Variants in ANKRD55 observed in about 807,000 individuals in gnomAD.
The protein encoded by ANKRD55 is ankyrin repeat domain-containing protein 55.
In ANKRD55, 41 loss-of-function variants were observed where a neutral mutation model predicts 60.6. That is an observed-to-expected ratio of 0.68 (90% CI 0.53 to 0.88). The LOEUF is 0.88. Ranked by LOEUF, ANKRD55 falls within the 40% of genes least tolerant of loss-of-function variation. ANKRD55 has a pLI of 0.00. For missense variants in ANKRD55, 732 were observed against 767.6 expected (o/e 0.95, Z 0.55); for synonymous variants, 264 against 290.3 (o/e 0.91, Z 0.92).
intron 4 of ANKRD55, among the ~76,000 whole-genome samples, chr5:56,171,961 T>C (rs563019204): frequency 8.6e-5 from 13 of 151,586 alleles, no homozygotes; most frequent in African/African-American, 3.1e-4. Context: ...CTACCAAAAA[T>C]ACAAAAAATT....
chr5:56,232,706 A>G (rs1581038059), intron 2 of ANKRD55, 150 bp downstream of exon 2: 1 of 691,422 alleles, frequency 1.4e-6, no homozygotes, highest in South Asian at 2.1e-5. Flanking sequence ...CTCTTTCCAC[A>G]TCCTACATAG....
intron 3 of ANKRD55, among the ~76,000 whole-genome samples, chr5:56,181,186 A>G (rs1185495883): frequency 6.6e-6 from 1 of 152,168 alleles, no homozygotes; most frequent in Non-Finnish European, 1.5e-5. Context: ...AAAAAATGAA[A>G]GATGTATGCT....
At position 56,137,110 on chromosome 5, in the gene ANKRD55, C is replaced by T. The variant is rs1757625341; in HGVS notation, c.612+6691G>A. On this transcript the variant is annotated intron_variant, in intron 7 of 11. Transcript: ENST00000341048. ...CAGGGTAGGCATATATGAAAAGCCA[C>T]AAAGTATCTGAAAGATGTCACTTTA... The T allele has an allele frequency of 5.9e-6, 7 of 1,181,086 alleles. No homozygotes were observed. In the East Asian group the frequency reaches 1.4e-4, roughly 24 times the overall value. 73.2% of individuals were successfully genotyped at this position (1,181,086 alleles called of 1,614,324 possible). A position where few individuals can be genotyped will look rare whatever the true frequency, so the allele number is the denominator to read the frequency against.
intron 7 of ANKRD55, chr5:56,137,299 A>C: frequency 6.4e-7 from 1 of 1,558,688 alleles, no homozygotes; most frequent in Non-Finnish European, 8.7e-7. Context: ...ATGGGTTTCG[A>C]TGTAGATTAT....
chr5:56,220,588 G>GCAGAT (rs1759934582), intron 2 of ANKRD55, among the ~76,000 whole-genome samples: 1 of 152,212 alleles, frequency 6.6e-6, no homozygotes, highest in Admixed American at 6.5e-5. Context: ...GCCGAGGAAG[G>GCAGAT]CAGATCACCT....
intron 9 of ANKRD55, 72 bp from the exon 10 acceptor site, chr5:56,111,854 A>T: frequency 1.5e-6 from 2 of 1,331,504 alleles, no homozygotes; most frequent in East Asian, 2.6e-5. Flanking sequence ...CGAAATACCG[A>T]CCCCCTATTC....
At chr5:56,161,966 G>T (rs185587532) in intron 5 of ANKRD55, 5 of 985,260 alleles carry the variant, frequency 5.1e-6, no homozygotes, top group East Asian at 2.3e-4. Context: ...CTTTGTGAGT[G>T]GGGGCAGGGC....
intron 7 of ANKRD55, among the ~76,000 whole-genome samples, chr5:56,139,981 T>C (rs374633665): frequency 2.2e-4 from 34 of 152,266 alleles, no homozygotes; most frequent in Middle Eastern, 3.4e-3. Context: ...AGTGGTAGAA[T>C]TGCTTGAGCC....
At chr5:56,103,631 A>C (rs1275521667) in intron 10 of ANKRD55, among the ~76,000 whole-genome samples, 5 of 152,220 alleles carry the variant, frequency 3.3e-5, no homozygotes, top group Admixed American at 1.3e-4. Context: ...TGGTGAAAAT[A>C]ATTGTATATC....
At chr5:56,195,365 A>G (rs1484660762) in intron 2 of ANKRD55, among the ~76,000 whole-genome samples, 1 of 152,246 alleles carries the variant, frequency 6.6e-6, no homozygotes, top group Non-Finnish European at 1.5e-5. Flanking sequence ...TTAGTGGCAC[A>G]AAAGATTTAC....
intron 2 of ANKRD55, among the ~76,000 whole-genome samples, chr5:56,189,575 C>T (rs1226823277): frequency 6.6e-6 from 1 of 152,180 alleles, no homozygotes; most frequent in Non-Finnish European, 1.5e-5. Context: ...GAATCAATAA[C>T]CGTTGTCCTT....
intron 10 of ANKRD55, among the ~76,000 whole-genome samples, chr5:56,110,027 G>A (rs1352589053): frequency 1.3e-5 from 2 of 150,918 alleles, no homozygotes. Context: ...CTCTAGCCTG[G>A]GCGACAGAGC....
chr5:56,213,414 C>T (rs952297449), intron 2 of ANKRD55, among the ~76,000 whole-genome samples: 7 of 151,724 alleles, frequency 4.6e-5, no homozygotes, highest in African/African-American at 1.5e-4. Flanking sequence ...GATTACTCAT[C>T]GGACATTTTA....
chr5:56,141,134 T>G (rs912990876), intron 7 of ANKRD55, among the ~76,000 whole-genome samples: 9 of 145,252 alleles, frequency 6.2e-5, no homozygotes, highest in Admixed American at 1.4e-4. Context: ...CACACAGTTT[T>G]TTTTTTTTTT....
At chr5:56,166,154 C>CT (rs11283204) in intron 5 of ANKRD55, among the ~76,000 whole-genome samples, 25,058 of 68,090 alleles carry the variant, frequency 0.37, 6,003 homozygotes, top group Middle Eastern at 0.46. Context: ...TTCTTTCTTT[C>CT]TTCTTTCCTT....
chr5:56,119,362 A>G (rs1756973866), intron 8 of ANKRD55, among the ~76,000 whole-genome samples: 1 of 152,218 alleles, frequency 6.6e-6, no homozygotes, highest in African/African-American at 2.4e-5. Context: ...ATTTCCGCTT[A>G]CATGACCTTC....
rs1561263907 is a variant in ANKRD55 at position 56,135,283 on chromosome 5, C to CTTG, written c.613-8178_613-8177insCAA. 3.7e-3 allele frequency among the ~76,000 whole-genome samples: 161 copies of CTTG among 43,936 alleles called. 5 individuals are homozygous for CTTG. The highest frequency in any genetic ancestry group is 0.016 in the African/African-American group (132 of 8,070). 28.8% of individuals were successfully genotyped at this position (43,936 alleles called of 152,430 possible). On this transcript the variant is annotated intron_variant, in intron 7 of 11. Transcript: ENST00000341048. ...CCTTCTTTCCCTCCCTCCCTCCCTG[C>CTTG]CTGCCTGCTTGCTTTCTTTCTTTCT...
chr5:56,110,529 A>C (rs1183062993), intron 10 of ANKRD55: 1 of 146,434 alleles, frequency 6.8e-6, no homozygotes, highest in Non-Finnish European at 1.5e-5. Context: ...CAAAAAATGC[A>C]TTTTTTTTTT....
intron 2 of ANKRD55, among the ~76,000 whole-genome samples, chr5:56,213,970 C>T (rs577991508): frequency 6.6e-6 from 1 of 152,348 alleles, no homozygotes; most frequent in South Asian, 2.1e-4. Flanking sequence ...GACTCATCCA[C>T]ATGGCTAGGG....
Sources: gnomAD v4.1 joint callset for allele counts (sites outside exome capture counted in the v4.1 genomes callset) on GRCh38, gnomAD v4.1.1 for gene constraint, MANE v1.5 for transcripts, NCBI Gene and HGNC (gene_info 2026-07-23, HGNC 2026-07-21) for gene names.